CSMD2: variants seen among roughly 807,000 people sequenced by gnomAD.
The protein encoded by CSMD2 is CUB and sushi domain-containing protein 2.
In CSMD2, 130 loss-of-function variants were observed where a neutral mutation model predicts 398.5. That is an observed-to-expected ratio of 0.33 (90% CI 0.28 to 0.38). The LOEUF (loss-of-function observed/expected upper bound fraction) is 0.38, where lower values mean the gene tolerates loss of function less well. Ranked by LOEUF, CSMD2 falls within the 10% of genes least tolerant of loss-of-function variation. The pLI, the probability that CSMD2 is intolerant of heterozygous loss-of-function variation, is 1.00. For synonymous variants in CSMD2, 1,828 were observed against 1,908.5 expected (o/e 0.96, Z 1.10); for missense variants, 3,829 against 4,764.9 (o/e 0.80, Z 5.78).
At chr1:33,927,752 C>G (rs939338086) in intron 4 of CSMD2, among the ~76,000 whole-genome samples, 2 of 152,148 alleles carry the variant, frequency 1.3e-5, no homozygotes, top group African/African-American at 4.8e-5. Flanking sequence ...GTTTTCCAGG[C>G]ATGAGACGCT....
In CSMD2 at chr1:33,745,997, G is replaced by A. The variant is rs574361678; in HGVS notation, c.1847-2391C>T. On this transcript the variant is annotated intron_variant, in intron 13 of 70. Coordinates refer to ENST00000373381, the MANE Select transcript of CSMD2 (RefSeq NM_001281956.2). The stretch of plus-strand genomic sequence containing the variant: ...TAATGCAGGGCCAGTAAATGGTAGC[G>A]CCAAAGCCAAATCAATGCAGCCTGA... 1.4e-4 allele frequency among the ~76,000 whole-genome samples: 22 copies of A among 152,180 alleles called. 1 individual carries two copies. The highest frequency in any genetic ancestry group is 1.0e-3 in the Admixed American group (16 of 15,292).
intron 6 of CSMD2, among the ~76,000 whole-genome samples, chr1:33,828,716 T>G (rs1368608189): frequency 6.6e-6 from 1 of 152,184 alleles, no homozygotes; most frequent in Non-Finnish European, 1.5e-5. Context: ...AAAAGTCTCC[T>G]GCTCCTTGCC....
At chr1:33,960,891 G>A (rs1645335225) in intron 3 of CSMD2, among the ~76,000 whole-genome samples, 1 of 152,210 alleles carries the variant, frequency 6.6e-6, no homozygotes, top group African/African-American at 2.4e-5. Flanking sequence ...CAGTGATTCA[G>A]GAAGCATGTC....
intron 1 of CSMD2, among the ~76,000 whole-genome samples, chr1:34,090,662 G>A (rs560896433): frequency 2.0e-5 from 3 of 151,818 alleles, no homozygotes; most frequent in African/African-American, 4.8e-5. Flanking sequence ...CTCTATCTCC[G>A]TCTGTCCCCA....
chr1:33,718,368 C>T (rs1204116667), intron 19 of CSMD2, among the ~76,000 whole-genome samples: 3 of 152,190 alleles, frequency 2.0e-5, no homozygotes, highest in African/African-American at 4.8e-5. Flanking sequence ...AAGTGCGTGG[C>T]CATGCACATG....
intron 5 of CSMD2, among the ~76,000 whole-genome samples, chr1:33,886,628 C>T (rs938519983): frequency 6.6e-6 from 1 of 152,150 alleles, no homozygotes; most frequent in Non-Finnish European, 1.5e-5. Context: ...CTGCACACAG[C>T]GTGGGGCACA....
At chr1:33,864,660 C>T in intron 5 of CSMD2, 2 of 1,613,916 alleles carry the variant, frequency 1.2e-6, no homozygotes, top group Non-Finnish European at 1.7e-6. Flanking sequence ...CTTCGAGGAA[C>T]TTGAACTCTA....
At chr1:34,127,182 G>C (rs1250847953) in intron 1 of CSMD2, among the ~76,000 whole-genome samples, 2 of 152,052 alleles carry the variant, frequency 1.3e-5, no homozygotes, top group African/African-American at 4.8e-5. Flanking sequence ...CTCCGTCAGC[G>C]GCATCCGACC....
intron 10 of CSMD2, among the ~76,000 whole-genome samples, chr1:33,804,582 C>T (rs1465286337): frequency 6.6e-6 from 1 of 151,674 alleles, no homozygotes; most frequent in Non-Finnish European, 1.5e-5. Context: ...CTGTTCTTCA[C>T]TCTTACGTGC....
At chr1:34,032,900 C>G (rs1047063994) in intron 2 of CSMD2, among the ~76,000 whole-genome samples, 194 bp from the exon 3 acceptor site, 1 of 152,172 alleles carries the variant, frequency 6.6e-6, no homozygotes, top group Admixed American at 6.5e-5. Flanking sequence ...GAAGTGACTC[C>G]GCCAAAGCCA....
chr1:33,563,795 G>A (rs1658797842), intron 53 of CSMD2, among the ~76,000 whole-genome samples: 1 of 152,144 alleles, frequency 6.6e-6, no homozygotes, highest in African/African-American at 2.4e-5. Context: ...TCAAACAGCT[G>A]TATGGAGAAA....
chr1:33,685,629 G>A (rs10798980), intron 25 of CSMD2, among the ~76,000 whole-genome samples: 85,939 of 152,040 alleles, frequency 0.57, 24,581 homozygotes, highest in East Asian at 0.72. Context: ...CTCCAGCCAC[G>A]TCAAGTGAGT....
chr1:33,525,120 C>A, intron 65 of CSMD2, 77 bp from the exon 66 acceptor site: 1 of 1,457,470 alleles, frequency 6.9e-7, no homozygotes, highest in South Asian at 1.2e-5. Flanking sequence ...TGACTGATCC[C>A]AGCCCACTCA....
intron 12 of CSMD2, among the ~76,000 whole-genome samples, chr1:33,780,279 G>A (rs1652553704): frequency 6.6e-6 from 1 of 152,262 alleles, no homozygotes; most frequent in South Asian, 2.1e-4. Context: ...CACCCTGTGG[G>A]CATGCCCAGA....
At chr1:34,030,219 A>G (rs1650233747) in intron 3 of CSMD2, among the ~76,000 whole-genome samples, 2 of 152,220 alleles carry the variant, frequency 1.3e-5, no homozygotes, top group African/African-American at 2.4e-5. Context: ...GTTAATTTAA[A>G]TGTAAATAGC....
At chr1:33,862,631 A>C (rs2125118254) in intron 5 of CSMD2, 1 of 152,278 alleles carries the variant, frequency 6.6e-6, no homozygotes. Flanking sequence ...ACCCCCTACT[A>C]GCCCAGACTT....
chr1:34,028,850 CT>C (rs770800434), intron 3 of CSMD2, among the ~76,000 whole-genome samples: 16 of 152,344 alleles, frequency 1.1e-4, no homozygotes, highest in Admixed American at 2.0e-4. Context: ...AACCAAGCAC[CT>C]TCTGTCATCT....
intron 5 of CSMD2, among the ~76,000 whole-genome samples, chr1:33,910,356 G>A (rs1445899026): frequency 2.0e-5 from 3 of 152,004 alleles, no homozygotes; most frequent in East Asian, 1.9e-4. Flanking sequence ...GGCTCTTTTC[G>A]GCTCCATGCC....
intron 48 of CSMD2, among the ~76,000 whole-genome samples, chr1:33,579,292 T>G (rs1013408284): frequency 2.6e-5 from 4 of 152,198 alleles, no homozygotes; most frequent in Admixed American, 2.6e-4. Context: ...TTTTCCATCA[T>G]GCGGACACTG....
Sources: gnomAD v4.1 joint callset for allele counts (sites outside exome capture counted in the v4.1 genomes callset) on GRCh38, gnomAD v4.1.1 for gene constraint, MANE v1.5 for transcripts, NCBI Gene and HGNC (gene_info 2026-07-23, HGNC 2026-07-21) for gene names.